The following AK8 variants were observed in gnomAD, a reference collection of about 807,000 sequenced individuals.
AK8 encodes ATP-AMP transphosphorylase 8.
A neutral mutation model predicts 54.6 loss-of-function variants in AK8; 44 were observed. The ratio of observed to expected loss-of-function variants is 0.81; its 90% CI spans 0.63 to 1.04. The LOEUF is 1.04. Among genes scored for constraint, AK8 ranks in the 50% least tolerant of loss-of-function variants. The probability of loss-of-function intolerance (pLI) is 0.00; values close to 1 mark genes in which losing one functional copy is unlikely to be tolerated. For synonymous variants in AK8, 239 were observed against 245.6 expected, an observed-to-expected ratio of 0.97 and a Z score of 0.25; for missense variants, 555 against 613.6, an observed-to-expected ratio of 0.90 and a Z score of 1.01.
chr9:132,772,578 C>A (rs906361360), intron 11 of AK8, among the ~76,000 whole-genome samples: 1 of 152,216 alleles, frequency 6.6e-6, no homozygotes, highest in Non-Finnish European at 1.5e-5. Flanking sequence ...AAGAAATAAA[C>A]TTCTGTTAAG....
At chr9:132,865,128 G>A (rs955541666) in intron 3 of AK8, among the ~76,000 whole-genome samples, 3 of 152,164 alleles carry the variant, frequency 2.0e-5, no homozygotes, top group African/African-American at 7.2e-5. Flanking sequence ...GGGAGTCCCT[G>A]GCTTCTAATT....
Position 132,860,366 on chromosome 9 carries a change from G to A in AK8, c.333+3299C>T, listed in dbSNP as rs902896903. 2.0e-5 allele frequency among the ~76,000 whole-genome samples: 3 copies of A among 152,326 alleles called. No individual in the cohort carries two copies. Among genetic ancestry groups the A allele is most frequent in the Admixed American group, 6.5e-5 (1 of 15,302 alleles). ...AAAAGGGCCCTTATCTTTGGGTTGCGGAAATAAATGAAGACCTCCCAAATG... is the reference window on the plus strand; with the variant it reads ...AAAAGGGCCCTTATCTTTGGGTTGCAGAAATAAATGAAGACCTCCCAAATG... On this transcript the variant is annotated intron_variant, in intron 4 of 12. Transcript: ENST00000298545. The surrounding 1 kb of genome is among the most constrained non-coding windows in gnomAD (Gnocchi z 4.4).
chr9:132,871,652 G>A (rs1021678944), intron 2 of AK8, among the ~76,000 whole-genome samples: 1 of 152,210 alleles, frequency 6.6e-6, no homozygotes, highest in African/African-American at 2.4e-5. Context: ...AGGCAGGTCT[G>A]GAGCCTAAGC....
At chr9:132,796,745 T>C (rs894338561) in intron 10 of AK8, among the ~76,000 whole-genome samples, 25 of 151,492 alleles carry the variant, frequency 1.7e-4, no homozygotes, top group African/African-American at 5.8e-4. Flanking sequence ...TGTGACTATA[T>C]TAATATATAC....
chr9:132,858,707 G>A (rs1843271212), intron 4 of AK8, among the ~76,000 whole-genome samples: 1 of 152,164 alleles, frequency 6.6e-6, no homozygotes, highest in African/African-American at 2.4e-5. Flanking sequence ...CTGCTGCTCG[G>A]AGCTGTCAGA....
chr9:132,764,691 A>C (rs1274627704), intron 11 of AK8, among the ~76,000 whole-genome samples: 1 of 152,212 alleles, frequency 6.6e-6, no homozygotes, highest in Non-Finnish European at 1.5e-5. Flanking sequence ...CATCACAGAA[A>C]AGCCCAGGAC....
chr9:132,866,844 C>T, intron 3 of AK8, 60 bp downstream of exon 3: 1 of 1,516,494 alleles, frequency 6.6e-7, no homozygotes, highest in Non-Finnish European at 9.2e-7. Flanking sequence ...CAGTCTCATT[C>T]CAGCTCTGGA....
intron 11 of AK8, 113 bp from the exon 12 acceptor site, chr9:132,727,647 G>A (rs750904956): frequency 2.2e-5 from 21 of 976,080 alleles, no homozygotes; most frequent in Middle Eastern, 2.2e-4. Flanking sequence ...AGGGCTGGCC[G>A]ATTCCTAGAG....
chr9:132,727,903 C>T (rs1298946136), intron 11 of AK8, among the ~76,000 whole-genome samples: 1 of 152,204 alleles, frequency 6.6e-6, no homozygotes, highest in Non-Finnish European at 1.5e-5. Context: ...GGGACACGCT[C>T]TCCCCTCACT....
chr9:132,778,359 T>C (rs1468015151), intron 11 of AK8, among the ~76,000 whole-genome samples: 1 of 152,150 alleles, frequency 6.6e-6, no homozygotes, highest in Non-Finnish European at 1.5e-5. Flanking sequence ...AGCCACTGGA[T>C]TTTGCTGCTG....
chr9:132,842,141 A>G (rs567977962), intron 5 of AK8, among the ~76,000 whole-genome samples: 72 of 152,222 alleles, frequency 4.7e-4, no homozygotes, highest in Non-Finnish European at 9.3e-4. Context: ...AGAAGCCTGA[A>G]GACAAGTATG....
intron 5 of AK8, among the ~76,000 whole-genome samples, chr9:132,846,227 T>A (rs1381712111): frequency 1.3e-5 from 2 of 152,214 alleles, no homozygotes; most frequent in Non-Finnish European, 2.9e-5. Context: ...GGTTGCTCAG[T>A]GGTATCCAGA....
intron 2 of AK8, 107 bp downstream of exon 2, chr9:132,875,008 G>T: frequency 7.1e-7 from 1 of 1,414,870 alleles, no homozygotes; most frequent in Non-Finnish European, 9.8e-7. Flanking sequence ...ATGGGGCAGG[G>T]TTCCTGGAGA....
At chr9:132,821,657 T>C (rs570385070) in intron 9 of AK8, among the ~76,000 whole-genome samples, 5 of 151,184 alleles carry the variant, frequency 3.3e-5, no homozygotes, top group Non-Finnish European at 7.4e-5. Flanking sequence ...AACTTGATTC[T>C]TCTGGGGTGG....
intron 9 of AK8, among the ~76,000 whole-genome samples, chr9:132,819,388 T>C (rs912421592): frequency 2.6e-5 from 4 of 152,214 alleles, no homozygotes; most frequent in Non-Finnish European, 5.9e-5. Flanking sequence ...GATTTCAGTA[T>C]CCAAGGGAGG....
At chr9:132,732,208 T>C (rs55650963) in intron 11 of AK8, among the ~76,000 whole-genome samples, 28,319 of 152,156 alleles carry the variant, frequency 0.19, 3,175 homozygotes, top group East Asian at 0.38. Context: ...AATTAAACAA[T>C]GTTTTTTTCC....
intron 3 of AK8, among the ~76,000 whole-genome samples, chr9:132,864,606 T>G (rs138703149): frequency 6.6e-6 from 1 of 152,188 alleles, no homozygotes; most frequent in African/African-American, 2.4e-5. Context: ...CCTTTTTGAC[T>G]GTACATCATA....
intron 2 of AK8, among the ~76,000 whole-genome samples, chr9:132,874,043 C>T (rs1843976405): frequency 6.6e-6 from 1 of 152,190 alleles, no homozygotes. Context: ...CAGCACCGCA[C>T]CACCCCCGCC....
chr9:132,848,161 G>T (rs946786044), intron 5 of AK8, among the ~76,000 whole-genome samples: 9 of 144,204 alleles, frequency 6.2e-5, no homozygotes, highest in South Asian at 4.6e-4. Flanking sequence ...GAGAAGAAAG[G>T]AAGACTCCCT....
Sources: allele counts gnomAD v4.1 joint callset (sites outside exome capture counted in the v4.1 genomes callset), GRCh38; gene constraint gnomAD v4.1.1; non-coding constraint Gnocchi (gnomAD v3.1); transcripts MANE v1.5; gene names NCBI Gene and HGNC (gene_info 2026-07-23, HGNC 2026-07-21).